SHISA9: variants seen among roughly 807,000 people sequenced by gnomAD.
SHISA9 encodes the protein protein shisa-9.
SHISA9 carries 13 observed loss-of-function variants against 38.0 expected under a neutral mutation model. The ratio of observed to expected loss-of-function variants is 0.34; its 90% CI spans 0.22 to 0.54. SHISA9 has a LOEUF of 0.54. Among genes scored for constraint, SHISA9 ranks in the 20% least tolerant of loss-of-function variants. The pLI is 0.91. For missense variants in SHISA9, 538 were observed against 575.8 expected, an observed-to-expected ratio of 0.93 and a Z score of 0.67; for synonymous variants, 275 against 242.0, an observed-to-expected ratio of 1.14 and a Z score of -1.27.
At chr16:13,491,283 C>T in the SHISA9 span, among the ~76,000 whole-genome samples, 273 of 151,960 alleles carry the variant, frequency 1.8e-3, no homozygotes, top group African/African-American at 6.3e-3. Flanking sequence ...ACGAGGATGA[C>T]GGTGCCAGTA....
the SHISA9 span, among the ~76,000 whole-genome samples, chr16:13,325,610 G>A: frequency 5.9e-5 from 9 of 152,120 alleles, no homozygotes; most frequent in African/African-American, 2.2e-4. Context: ...TCTGCAGGAG[G>A]GACACCTAGG....
the SHISA9 span, among the ~76,000 whole-genome samples, chr16:13,253,333 C>T: frequency 6.6e-6 from 1 of 152,106 alleles, no homozygotes; most frequent in Non-Finnish European, 1.5e-5. Context: ...ATCTCTTCTA[C>T]TATCATGTCA....
the SHISA9 span, among the ~76,000 whole-genome samples, chr16:13,555,101 A>G: frequency 4.6e-5 from 7 of 152,232 alleles, no homozygotes; most frequent in Admixed American, 1.3e-4. Flanking sequence ...CAGGAACCTG[A>G]CTTATCTCAG....
chr16:13,280,832 G>T, the SHISA9 span, among the ~76,000 whole-genome samples: 73 of 151,492 alleles, frequency 4.8e-4, no homozygotes, highest in African/African-American at 1.7e-3. Flanking sequence ...AAAGCCTCAT[G>T]ACAGCAAAAG....
the SHISA9 span, among the ~76,000 whole-genome samples, chr16:13,480,419 G>C: frequency 6.6e-6 from 1 of 152,126 alleles, no homozygotes; most frequent in Admixed American, 6.5e-5. Flanking sequence ...GAAATATTTG[G>C]TAGTTCTTTC....
At chr16:13,234,960 C>A in intron 4 of SHISA9, 70 bp from the exon 5 acceptor site, 3 of 1,068,886 alleles carry the variant, frequency 2.8e-6, no homozygotes, top group South Asian at 2.1e-5. Context: ...GTCTCTAACT[C>A]TCTCTCTCTC....
the SHISA9 span, among the ~76,000 whole-genome samples, chr16:13,515,655 G>T: frequency 6.6e-6 from 1 of 152,108 alleles, no homozygotes; most frequent in African/African-American, 2.4e-5. Context: ...AGGTCTTATA[G>T]ATAGGAAGCC....
intron 1 of SHISA9, chr16:12,910,554 T>C (rs2071168796): frequency 1.0e-6 from 1 of 985,438 alleles, no homozygotes; most frequent in African/African-American, 1.7e-5. Flanking sequence ...TAGTACTAGC[T>C]TTCAGTACTC....
chr16:13,260,948 G>C, the SHISA9 span, among the ~76,000 whole-genome samples: 1 of 152,272 alleles, frequency 6.6e-6, no homozygotes, highest in Admixed American at 6.5e-5. Context: ...CTTCTTACAT[G>C]GTGGCAGCAA....
At chr16:12,923,014 A>T (rs1313991026) in intron 2 of SHISA9, among the ~76,000 whole-genome samples, 1 of 151,966 alleles carries the variant, frequency 6.6e-6, no homozygotes, top group Non-Finnish European at 1.5e-5. Flanking sequence ...TTTTTGTAGA[A>T]ATGGGTCTCA....
the SHISA9 span, among the ~76,000 whole-genome samples, chr16:13,458,164 G>A: frequency 5.3e-5 from 8 of 152,274 alleles, no homozygotes; most frequent in African/African-American, 4.8e-5. Context: ...TTCCAAGTGC[G>A]ATGTACCAGT....
At chr16:13,533,132 C>A in the SHISA9 span, among the ~76,000 whole-genome samples, 1 of 152,196 alleles carries the variant, frequency 6.6e-6, no homozygotes, top group South Asian at 2.1e-4. Flanking sequence ...AGTGAGACAT[C>A]TAATCCATGG....
At chr16:13,013,501 C>A (rs535681980) in intron 2 of SHISA9, among the ~76,000 whole-genome samples, 21 of 152,164 alleles carry the variant, frequency 1.4e-4, no homozygotes, top group Non-Finnish European at 2.6e-4. Context: ...TTCCGCGTGG[C>A]TAGGGATCAC....
chr16:13,233,192 C>A (rs982244330), intron 4 of SHISA9, among the ~76,000 whole-genome samples: 1 of 151,946 alleles, frequency 6.6e-6, no homozygotes, highest in African/African-American at 2.4e-5. Flanking sequence ...GACTCCCAGA[C>A]CCCTTAGATA....
chr16:13,150,479 C>T (rs1285623314), intron 2 of SHISA9, among the ~76,000 whole-genome samples: 1 of 152,086 alleles, frequency 6.6e-6, no homozygotes, highest in Non-Finnish European at 1.5e-5. Flanking sequence ...GCAAGAGACA[C>T]AGCAAGTAGC....
chr16:13,048,481 G>A (rs1163466710), intron 2 of SHISA9, among the ~76,000 whole-genome samples: 3 of 152,126 alleles, frequency 2.0e-5, no homozygotes. Flanking sequence ...GGGTGCAATG[G>A]CATGATCTCT....
At chr16:12,963,250 C>A (rs2865907) in intron 2 of SHISA9, among the ~76,000 whole-genome samples, 21,971 of 152,080 alleles carry the variant, frequency 0.14, 2,372 homozygotes, top group African/African-American at 0.31. Flanking sequence ...ATGGTGAGGA[C>A]ATGGAGTGCA....
chr16:13,537,393 A>T, the SHISA9 span, among the ~76,000 whole-genome samples: 2 of 151,854 alleles, frequency 1.3e-5, no homozygotes, highest in African/African-American at 2.4e-5. Context: ...ACACCATTGC[A>T]CTCCAGCCTA....
chr16:13,151,041 T>A (rs1196268035), intron 2 of SHISA9, among the ~76,000 whole-genome samples: 1 of 152,186 alleles, frequency 6.6e-6, no homozygotes, highest in Non-Finnish European at 1.5e-5. Context: ...TTTCTTCTTA[T>A]ATTATCATTA....
Sources: gnomAD v4.1 joint callset for allele counts (sites outside exome capture counted in the v4.1 genomes callset) on GRCh38, gnomAD v4.1.1 for gene constraint, MANE v1.5 for transcripts, NCBI Gene and HGNC (gene_info 2026-07-23, HGNC 2026-07-21) for gene names.